BORCS5: variants seen among roughly 807,000 people sequenced by gnomAD.
BORCS5 encodes BLOC-1-related complex subunit 5.
A neutral mutation model predicts 22.1 loss-of-function variants in BORCS5; 17 were observed. The ratio of observed to expected loss-of-function variants is 0.77; its 90% CI spans 0.53 to 1.15. The LOEUF (loss-of-function observed/expected upper bound fraction) is 1.15. Among genes scored for constraint, BORCS5 ranks in the 50% most tolerant of loss-of-function variants. BORCS5 has a pLI of 0.00. For missense variants in BORCS5, 247 were observed against 253.2 expected (o/e 0.98, Z 0.17); for synonymous variants, 117 against 99.8 (o/e 1.17, Z -1.03).
intron 2 of BORCS5, among the ~76,000 whole-genome samples, chr12:12,410,625 T>C (rs1341903104): frequency 6.6e-6 from 1 of 152,252 alleles, no homozygotes; most frequent in African/African-American, 2.4e-5. Flanking sequence ...TTTTGGTTAC[T>C]GTAGCCTTGT....
chr12:12,387,067 T>G (rs1397092438), intron 2 of BORCS5, among the ~76,000 whole-genome samples: 1 of 151,314 alleles, frequency 6.6e-6, no homozygotes, highest in Non-Finnish European at 1.5e-5. Context: ...GTGGTCTTAT[T>G]GTGTTGTTAA....
intron 2 of BORCS5, among the ~76,000 whole-genome samples, chr12:12,421,646 C>A (rs1459504184): frequency 6.6e-6 from 1 of 152,118 alleles, no homozygotes; most frequent in Non-Finnish European, 1.5e-5. Flanking sequence ...CTCTTTGTAC[C>A]TCTGGTAGAA....
intron 2 of BORCS5, among the ~76,000 whole-genome samples, chr12:12,433,936 C>G (rs1942492736): frequency 6.6e-6 from 1 of 152,058 alleles, no homozygotes; most frequent in Admixed American, 6.6e-5. Flanking sequence ...TCTAATATAT[C>G]AGAACAGTGT....
At chr12:12,380,289 A>T (rs1863748966) in intron 2 of BORCS5, among the ~76,000 whole-genome samples, 1 of 113,590 alleles carries the variant, frequency 8.8e-6, no homozygotes, top group East Asian at 2.1e-4. Flanking sequence ...TTCAATTTGT[A>T]AAAAAAAACA....
chr12:12,409,396 G>A lies in BORCS5; in HGVS notation c.203-26232G>A, dbSNP rs561307578. On this transcript the variant is annotated intron_variant, in intron 2 of 3. Coordinates refer to ENST00000314565, the MANE Select transcript of BORCS5 (RefSeq NM_058169.6). Reference sequence around the variant, plus strand: ...CTCCCCCCACCCCACAACAGTCCCCGGTGTGTGATGTTTCCCTTCCTGTGT... The same window carrying A: ...CTCCCCCCACCCCACAACAGTCCCCAGTGTGTGATGTTTCCCTTCCTGTGT... Among the ~76,000 whole-genome samples, 193 of 136,710 alleles carry A rather than the reference G, an allele frequency of 1.4e-3. 3 individuals carry two copies. Among genetic ancestry groups the A allele is most frequent in the African/African-American group, 5.1e-3 (175 of 34,326 alleles). 89.7% of individuals were successfully genotyped at this position (136,710 alleles called of 152,430 possible).
intron 1 of BORCS5, among the ~76,000 whole-genome samples, chr12:12,360,593 TAGAGA>T (rs1863259433): frequency 8.5e-6 from 1 of 118,000 alleles, no homozygotes. Flanking sequence ...TTTTTTTTTT[TAGAGA>T]TAGGGTCTCA....
At chr12:12,386,260 C>T (rs1481240789) in intron 2 of BORCS5, among the ~76,000 whole-genome samples, 1 of 151,142 alleles carries the variant, frequency 6.6e-6, no homozygotes, top group African/African-American at 2.4e-5. Flanking sequence ...CTCGGCCTCC[C>T]AAAGTGCTGG....
At chr12:12,373,160 T>G (rs1318605636) in intron 2 of BORCS5, among the ~76,000 whole-genome samples, 1 of 152,192 alleles carries the variant, frequency 6.6e-6, no homozygotes, top group Admixed American at 6.5e-5. Flanking sequence ...TCCTTCTTCC[T>G]TCTGTTCTTA....
chr12:12,401,928 T>C (rs1396757986), intron 2 of BORCS5, among the ~76,000 whole-genome samples: 3 of 150,686 alleles, frequency 2.0e-5, no homozygotes, highest in Admixed American at 2.0e-4. Flanking sequence ...TAGCTGGGCT[T>C]GGTGGTGGGC....
At chr12:12,436,193 T>G (rs1265878617) in intron 3 of BORCS5, among the ~76,000 whole-genome samples, 1 of 152,234 alleles carries the variant, frequency 6.6e-6, no homozygotes, top group East Asian at 1.9e-4. Flanking sequence ...AATTTATATT[T>G]TGTTTCCCAG....
chr12:12,421,533 C>T (rs1311304489), intron 2 of BORCS5, among the ~76,000 whole-genome samples: 1 of 152,202 alleles, frequency 6.6e-6, no homozygotes, highest in Non-Finnish European at 1.5e-5. Flanking sequence ...ATGTCTCTGC[C>T]AGGCTTTGGT....
chr12:12,401,160 A>G (rs915950653), intron 2 of BORCS5, among the ~76,000 whole-genome samples: 2 of 152,200 alleles, frequency 1.3e-5, no homozygotes, highest in African/African-American at 4.8e-5. Context: ...AGTTTTCTCT[A>G]GGGTATGTAA....
At position 12,470,241 on chromosome 12, in the gene BORCS5, TTTA is replaced by T. The variant is rs1217431909; in HGVS notation, c.*4468_*4470del. ...GCCCGCCACCACACCCGGCTAATTT[TTTA>T]TTTTTAGTAGAGATGGGGTTTCACC... On this transcript the variant is annotated 3_prime_UTR_variant, in exon 4 of 4. Transcript: ENST00000314565. 1.3e-5 allele frequency among the ~76,000 whole-genome samples: 2 copies of T among 152,140 alleles called. No individual in the cohort carries two copies. The highest frequency in any genetic ancestry group is 4.8e-5 in the African/African-American group (2 of 41,430).
At position 12,463,656 on chromosome 12, in the gene BORCS5, G is replaced by T. The variant is rs1565942219; in HGVS notation, c.361-1890G>T. Among the ~76,000 whole-genome samples, 5 of 152,190 alleles carry T rather than the reference G, an allele frequency of 3.3e-5. No homozygotes were observed. The South Asian group carries it at 8.3e-4, about 25-fold the overall frequency. Reference sequence around the variant, plus strand: ...CGCATGAACAACCTGTTTGAACTCAGTGTGCTCATCTCAGCATTAACAGAA... The same window carrying T: ...CGCATGAACAACCTGTTTGAACTCATTGTGCTCATCTCAGCATTAACAGAA... On this transcript the variant is annotated intron_variant, in intron 3 of 3. Transcript: ENST00000314565.
intron 3 of BORCS5, among the ~76,000 whole-genome samples, chr12:12,455,952 G>A (rs1204757966): frequency 1.3e-5 from 2 of 152,176 alleles, no homozygotes; most frequent in Non-Finnish European, 2.9e-5. Flanking sequence ...TTTTGACCAT[G>A]AGGGTTATTA....
At chr12:12,418,494 G>A (rs1159935464) in intron 2 of BORCS5, among the ~76,000 whole-genome samples, 1 of 152,034 alleles carries the variant, frequency 6.6e-6, no homozygotes, top group African/African-American at 2.4e-5. Flanking sequence ...AGACTAGCCT[G>A]GGCAACATAG....
At chr12:12,414,771 G>T (rs1390507666) in intron 2 of BORCS5, among the ~76,000 whole-genome samples, 1 of 137,366 alleles carries the variant, frequency 7.3e-6, no homozygotes, top group African/African-American at 2.8e-5. Context: ...CTGCCGGACG[G>T]AGGGGCTCCT....
chr12:12,414,172 C>T (rs1222031016), intron 2 of BORCS5, among the ~76,000 whole-genome samples: 2 of 101,488 alleles, frequency 2.0e-5, no homozygotes, highest in Non-Finnish European at 4.3e-5. Context: ...ACCCCCCCAC[C>T]TCCCTCCCGG....
chr12:12,396,133 C>T (rs954127894), intron 2 of BORCS5, among the ~76,000 whole-genome samples: 2 of 151,890 alleles, frequency 1.3e-5, no homozygotes, highest in Non-Finnish European at 2.9e-5. Context: ...GATTACAGGC[C>T]CACATTACCA....
Sources: allele counts gnomAD v4.1 joint callset (sites outside exome capture counted in the v4.1 genomes callset), GRCh38; gene constraint gnomAD v4.1.1; transcripts MANE v1.5; gene names NCBI Gene and HGNC (gene_info 2026-07-23, HGNC 2026-07-21).